Variants in CALCB observed in about 807,000 individuals in gnomAD.
The protein encoded by CALCB is calcitonin gene-related peptide 2.
CALCB carries 8 observed loss-of-function variants against 10.7 expected under a neutral mutation model. The observed-to-expected ratio is 0.75, with a 90% CI of 0.44 to 1.34. CALCB has a LOEUF of 1.34. CALCB is among the 40% of genes most tolerant of loss of function. CALCB has a pLI of 0.01. For synonymous variants in CALCB, 76 were observed against 66.9 expected (o/e 1.14, Z -0.66); for missense variants, 176 against 162.5 (o/e 1.08, Z -0.45).
intron 3 of CALCB, among the ~76,000 whole-genome samples, chr11:15,075,402 C>T (rs758007802): frequency 1.3e-5 from 2 of 152,204 alleles, no homozygotes; most frequent in African/African-American, 2.4e-5. Context: ...CAATAAAAAG[C>T]TCCGTTTCTG....
In CALCB at chr11:15,075,191, G is replaced by C. The variant is rs753328677; in HGVS notation, c.217G>C (p.Gly73Arg). The C allele has an allele frequency of 1.4e-5, 22 of 1,614,134 alleles. No homozygotes were observed. Among genetic ancestry groups the C allele is most frequent in the East Asian group, 2.2e-5 (1 of 44,868 alleles). Residue 73 changes from glycine to arginine, a missense_variant, in exon 3 of 5, where the codon GGC becomes CGC. Transcript: ENST00000324229. ...SELKQEQETQ[G>R]SSSAAQKRAC... Reference sequence around the variant, plus strand: ...GCTGAAGCAGGAGCAGGAGACACAGGGCTCCAGGTGAGGTTCCCCAAGCGC... The same window carrying C: ...GCTGAAGCAGGAGCAGGAGACACAGCGCTCCAGGTGAGGTTCCCCAAGCGC...
intron 2 of CALCB, 121 bp downstream of exon 2, chr11:15,074,925 C>G: frequency 7.2e-7 from 1 of 1,389,322 alleles, no homozygotes; most frequent in Non-Finnish European, 1.0e-6. Context: ...GGACCCTGGC[C>G]TCATGCCCGT....
chr11:15,074,336 AGAG>A (rs1206869699), intron 1 of CALCB, among the ~76,000 whole-genome samples: 4 of 152,228 alleles, frequency 2.6e-5, no homozygotes, highest in African/African-American at 4.8e-5. Flanking sequence ...GAAGCCCAGC[AGAG>A]GAGAAGGCGA....
At chr11:15,074,647 C>T (rs1565229650) in intron 1 of CALCB, 63 bp from the exon 2 acceptor site, 1 of 1,288,262 alleles carries the variant, frequency 7.8e-7, no homozygotes, top group Non-Finnish European at 1.1e-6. Context: ...GCAGTTGTGG[C>T]AGAGGCAGGA....
At chr11:15,074,931 C>A in intron 2 of CALCB, 127 bp downstream of exon 2, 5 of 1,402,230 alleles carry the variant, frequency 3.6e-6, no homozygotes, top group Non-Finnish European at 5.0e-6. Flanking sequence ...TGGCCTCATG[C>A]CCGTCCCCTG....
Position 15,077,272 on chromosome 11 carries a change from A to G in CALCB, c.225-14A>G. On this transcript the variant is annotated splice_polypyrimidine_tract_variant and intron_variant, in intron 3 of 4. Transcript: ENST00000324229. ...CTCACAGGTCTTCTCTTCTTTCTCT[A>G]TCTTGCAAATCAGCTCCGCTGCCCA... 2 of 1,612,426 alleles carry G rather than the reference A, an allele frequency of 1.2e-6. No homozygotes were observed. The highest frequency in any genetic ancestry group is 1.1e-5 in the South Asian group (1 of 90,958).
chr11:15,078,202 T>C lies in CALCB; in HGVS notation c.*145T>C, dbSNP rs1850412855. On this transcript the variant is annotated 3_prime_UTR_variant, in exon 5 of 5. Transcript: ENST00000324229. Reference sequence around the variant, plus strand: ...AGATACTGAAAAAAGGGCACCTTTGTCACTTGAAAGGAATGAAACTGAATG... The same window carrying C: ...AGATACTGAAAAAAGGGCACCTTTGCCACTTGAAAGGAATGAAACTGAATG... 3.9e-5 allele frequency: 6 copies of C among 152,336 alleles called. No homozygotes were observed. In the South Asian group the frequency reaches 1.2e-3, roughly 32 times the overall value. 9.4% of individuals were successfully genotyped at this position (152,336 alleles called of 1,614,324 possible).
At chr11:15,075,007 G>A (rs1311836860) in intron 2 of CALCB, 54 bp from the exon 3 acceptor site, 11 of 1,603,122 alleles carry the variant, frequency 6.9e-6, no homozygotes, top group Non-Finnish European at 9.4e-6. Context: ...GCCTATCCTG[G>A]GGAGGGTCAG....
chr11:15,076,063 A>G lies in CALCB; in HGVS notation c.224+865A>G, dbSNP rs561223427. Among the ~76,000 whole-genome samples, 15 of 151,896 alleles carry G rather than the reference A, an allele frequency of 9.9e-5. No homozygotes were observed. In the East Asian group the frequency reaches 2.7e-3, roughly 27 times the overall value. ...TGTGAGCTGCCCTCCTGCCTGCCCC[A>G]CCTGCTCCCACTCGACATGTCCCCT... On this transcript the variant is annotated intron_variant, in intron 3 of 4. Transcript: ENST00000324229.
chr11:15,075,708 T>C (rs1590302361), intron 3 of CALCB, among the ~76,000 whole-genome samples: 1 of 151,852 alleles, frequency 6.6e-6, no homozygotes, highest in Non-Finnish European at 1.5e-5. Flanking sequence ...TTGCAGGGGG[T>C]GGGGACAGAG....
intron 3 of CALCB, among the ~76,000 whole-genome samples, chr11:15,076,785 A>G (rs545679323): frequency 6.6e-6 from 1 of 152,312 alleles, no homozygotes; most frequent in South Asian, 2.1e-4. Context: ...GTAGCTGGGT[A>G]TGGGGCTTGG....
chr11:15,077,821 C>T lies in CALCB; in HGVS notation c.*26-262C>T, dbSNP rs141604387. On this transcript the variant is annotated intron_variant, in intron 4 of 4. Transcript: ENST00000324229. ...GTGGATAAGCTGTAATCATAACCTA[C>T]TACCAAGATTAATAGATGCAGTTGA... Among the ~76,000 whole-genome samples the T allele has an allele frequency of 3.0e-4, 45 of 152,326 alleles. No homozygotes were observed. The East Asian group carries it at 8.3e-3, about 28-fold the overall frequency.
Position 15,077,332 on chromosome 11 carries a change from C to T in CALCB, c.271C>T (p.His91Tyr). The change falls in exon 4 of 5, where the codon CAT becomes TAT. Residue 91 changes from histidine (H) to tyrosine (Y), a missense_variant. Physicochemically the swap from His to Tyr is moderately conservative, Grantham distance 83. Transcript: ENST00000324229. ...RACNTATCVT[H>Y]RLAGLLSRSG... ...CTGCAACACTGCCACCTGTGTGACT[C>T]ATCGGCTGGCAGGCTTGCTGAGCAG... 6.2e-7 allele frequency: 1 copy of T among 1,614,262 alleles called. No individual in the cohort carries two copies. The highest frequency in any genetic ancestry group is 8.5e-7 in the Non-Finnish European group (1 of 1,180,040).
chr11:15,074,738 C>A lies in CALCB; in HGVS notation c.20C>A (p.Ser7Tyr). ...GGCGGCATGGGTTTCCGGAAGTTCT[C>A]CCCCTTCCTGGCTCTCAGTATCTTG... MGFRKF[S>Y]PFLALSILVL... is the part of the protein sequence containing the mutation. Residue 7 changes from serine to tyrosine, a missense_variant, in exon 2 of 5, where the codon TCC (serine) becomes TAC (tyrosine). By Grantham distance (144) the Ser-to-Tyr change is moderately radical. Coordinates refer to ENST00000324229, the MANE Select transcript of CALCB (RefSeq NM_000728.4). 1 of 1,614,062 alleles carries A rather than the reference C, an allele frequency of 6.2e-7. No individual in the cohort carries two copies. Among genetic ancestry groups the A allele is most frequent in the Admixed American group, 1.7e-5 (1 of 60,024 alleles).
Position 15,074,696 on chromosome 11 carries a change from T to C in CALCB, c.-9-14T>C. On this transcript the variant is annotated splice_polypyrimidine_tract_variant and intron_variant, in intron 1 of 4. Coordinates refer to ENST00000324229, the MANE Select transcript of CALCB (RefSeq NM_000728.4). ...CTGTGCTGGTGCAGTAGTAACGTCA[T>C]CCTTCCTTTACAGAGAGGCGGCATG... The C allele has an allele frequency of 6.2e-7, 1 of 1,602,566 alleles. No individual in the cohort carries two copies. Among genetic ancestry groups the C allele is most frequent in the Non-Finnish European group, 8.5e-7 (1 of 1,170,438 alleles).
chr11:15,074,541 C>A (rs1185873445), intron 1 of CALCB, among the ~76,000 whole-genome samples, 169 bp from the exon 2 acceptor site: 1 of 152,226 alleles, frequency 6.6e-6, no homozygotes, highest in Non-Finnish European at 1.5e-5. Flanking sequence ...GCCATTCACT[C>A]ACTGCAATGT....
rs952207353 is a variant in CALCB at position 15,078,562 on chromosome 11, G to C, written c.*505G>C. ...ACATTTGTTTCAAAACCTTGGTGATGCATTACAACTTGTTTTCTTATGTAA... is the reference window on the plus strand; with the variant it reads ...ACATTTGTTTCAAAACCTTGGTGATCCATTACAACTTGTTTTCTTATGTAA... On this transcript the variant is annotated 3_prime_UTR_variant, in exon 5 of 5. Coordinates refer to ENST00000324229, the MANE Select transcript of CALCB (RefSeq NM_000728.4). 6.6e-6 allele frequency: 1 copy of C among 152,154 alleles called. No individual in the cohort carries two copies. The highest frequency in any genetic ancestry group is 2.4e-5 in the African/African-American group (1 of 41,414). The allele number at this position is 152,154 out of a possible 1,614,324, so 9.4% of individuals were successfully genotyped here.
chr11:15,075,039 G>A (rs370607913), intron 2 of CALCB, 22 bp from the exon 3 acceptor site: 37 of 1,613,984 alleles, frequency 2.3e-5, no homozygotes, highest in Non-Finnish European at 3.0e-5. Context: ...CAGCCTGCAA[G>A]GAGTTTGCTT....
Position 15,074,897 on chromosome 11 carries a change from G to C in CALCB, c.86+93G>C, listed in dbSNP as rs889697897. 8 of 1,380,788 alleles carry C rather than the reference G, an allele frequency of 5.8e-6. No individual in the cohort carries two copies. In the East Asian group the frequency reaches 1.1e-4, roughly 20 times the overall value. 85.5% of individuals were successfully genotyped at this position (1,380,788 alleles called of 1,614,324 possible). A position where few individuals can be genotyped will look rare whatever the true frequency, so the allele number is the denominator to read the frequency against. Reference sequence around the variant, plus strand: ...TCTGAAGTCACGCGTGGCTCCTGGTGAATCAGTGCCCACAGGTGGACCCTG... The same window carrying C: ...TCTGAAGTCACGCGTGGCTCCTGGTCAATCAGTGCCCACAGGTGGACCCTG... On this transcript the variant is annotated intron_variant, in intron 2 of 4. Coordinates refer to ENST00000324229, the MANE Select transcript of CALCB (RefSeq NM_000728.4).
Sources: allele counts gnomAD v4.1 joint callset (sites outside exome capture counted in the v4.1 genomes callset), GRCh38; gene constraint gnomAD v4.1.1; transcripts MANE v1.5; gene names NCBI Gene and HGNC (gene_info 2026-07-23, HGNC 2026-07-21).